The following SKP1 variants were observed in gnomAD, a reference collection of about 807,000 sequenced individuals.
SKP1 encodes the protein S-phase kinase associated protein 1, also known as S-phase kinase-associated protein 1.
A neutral mutation model predicts 21.5 loss-of-function variants in SKP1; 1 was observed. That is an observed-to-expected ratio of 0.05 (90% CI 0.02 to 0.22). The LOEUF is 0.22. Ranked by LOEUF, SKP1 falls within the 10% of genes least tolerant of loss-of-function variation. The pLI is 1.00. For synonymous variants in SKP1, 59 were observed against 59.3 expected, an observed-to-expected ratio of 0.99 and a Z score of 0.03; for missense variants, 70 against 192.0, an observed-to-expected ratio of 0.36 and a Z score of 3.76.
At chr5:134,167,787 G>C (rs1761361716) in intron 2 of SKP1, among the ~76,000 whole-genome samples, 1 of 152,212 alleles carries the variant, frequency 6.6e-6, no homozygotes, top group Non-Finnish European at 1.5e-5. Context: ...GCCTCCCAAA[G>C]TGCTGGGATT....
chr5:134,155,167 A>G lies in SKP1; in HGVS notation c.*2566T>C, dbSNP rs1275083487. Reference sequence around the variant, plus strand: ...GACACTAAAACTCCAGCCTCAAGGTATGACTTAATGCCACAATATTAGTTT... The same window carrying G: ...GACACTAAAACTCCAGCCTCAAGGTGTGACTTAATGCCACAATATTAGTTT... On this transcript the variant is annotated 3_prime_UTR_variant, in exon 6 of 6. Transcript: ENST00000353411. 6.6e-6 allele frequency: 1 copy of G among 152,228 alleles called. No individual in the cohort carries two copies. The highest frequency in any genetic ancestry group is 1.5e-5 in the Non-Finnish European group (1 of 68,046). 9.4% of individuals were successfully genotyped at this position (152,228 alleles called of 1,614,324 possible).
chr5:134,174,360 A>T (rs1054736106), intron 1 of SKP1: 4 of 290,392 alleles, frequency 1.4e-5, no homozygotes, highest in African/African-American at 9.1e-5. Context: ...CCATCTGAAC[A>T]GTTAACTGCC....
chr5:134,163,906 T>G (rs1761275281), intron 3 of SKP1, among the ~76,000 whole-genome samples: 1 of 152,224 alleles, frequency 6.6e-6, no homozygotes, highest in Non-Finnish European at 1.5e-5. Context: ...CTTCTTGCTC[T>G]AGCTTCCACT....
intron 3 of SKP1, 86 bp downstream of exon 3, chr5:134,167,084 T>C: frequency 1.5e-6 from 1 of 681,110 alleles, no homozygotes; most frequent in South Asian, 1.9e-5. Flanking sequence ...ATTATAAAAT[T>C]CTAACATAGA....
In SKP1 at chr5:134,173,971, C is replaced by T; in HGVS notation, c.52G>A (p.Val18Met). The change falls in exon 2 of 6, where the codon GTG becomes ATG. Residue 18 changes from valine (V) to methionine (M), a missense_variant. Val to Met is a conservative substitution (Grantham distance 21). Transcript: ENST00000353411. Reference protein sequence around the residue: ...SSDGEIFEVDVEIAKQSVTIK... With the variant: ...SSDGEIFEVDMEIAKQSVTIK... ...GTCACAGATTGTTTGGCAATTTCCA[C>T]ATCAACTTCAAATATCTCTCCATCA... 1 of 1,611,802 alleles carries T rather than the reference C, an allele frequency of 6.2e-7. No homozygotes were observed. The highest frequency in any genetic ancestry group is 8.5e-7 in the Non-Finnish European group (1 of 1,178,054).
At chr5:134,158,905 A>G (rs1196679663) in intron 4 of SKP1, among the ~76,000 whole-genome samples, 6 of 152,196 alleles carry the variant, frequency 3.9e-5, no homozygotes, top group East Asian at 1.9e-4. Flanking sequence ...CTTGGCAAAA[A>G]TATTTGTCCA....
At chr5:134,175,352 T>C (rs1021633759) in intron 1 of SKP1, 1 of 152,382 alleles carries the variant, frequency 6.6e-6, no homozygotes, top group South Asian at 2.1e-4. Context: ...TGCTTCTCCA[T>C]GTTGCTTAGC....
chr5:134,165,878 C>CA (rs567800852), intron 3 of SKP1, among the ~76,000 whole-genome samples: 43 of 146,888 alleles, frequency 2.9e-4, no homozygotes, highest in African/African-American at 9.9e-4. Flanking sequence ...AGAGTGAGAT[C>CA]AAAAAAACAA....
At chr5:134,166,038 A>G (rs894184338) in intron 3 of SKP1, among the ~76,000 whole-genome samples, 6 of 151,326 alleles carry the variant, frequency 4.0e-5, no homozygotes. Flanking sequence ...TATAAAAATT[A>G]GCCAGTGTGG....
chr5:134,166,896 A>G (rs1167299293), intron 3 of SKP1, among the ~76,000 whole-genome samples: 1 of 152,218 alleles, frequency 6.6e-6, no homozygotes, highest in Non-Finnish European at 1.5e-5. Flanking sequence ...CATGTAGATC[A>G]TCCTTCCTAG....
At chr5:134,174,563 A>G (rs1407027361) in intron 1 of SKP1, 1 of 694,852 alleles carries the variant, frequency 1.4e-6, no homozygotes, top group East Asian at 1.3e-4. Context: ...ATTTAAAGAT[A>G]AGCAGATGTG....
chr5:134,149,674 G>C lies in SKP1; in HGVS notation c.*8059C>G, dbSNP rs939237007. ...CATCTGTCCCATTTTAAAGAATTCT[G>C]TTCTGGCTACTGGCCTAGTTGTTTA... On this transcript the variant is annotated 3_prime_UTR_variant, in exon 6 of 6. Coordinates refer to ENST00000353411, the MANE Select transcript of SKP1 (RefSeq NM_170679.3). The C allele has an allele frequency of 2.0e-5, 3 of 152,200 alleles. No homozygotes were observed. The South Asian group carries it at 6.2e-4, about 31-fold the overall frequency. The allele number at this position is 152,200 out of a possible 1,614,324, so 9.4% of individuals were successfully genotyped here.
chr5:134,159,822 T>C (rs955603295), intron 4 of SKP1, among the ~76,000 whole-genome samples: 5 of 151,862 alleles, frequency 3.3e-5, no homozygotes, highest in African/African-American at 7.2e-5. Flanking sequence ...GCTGGGATTA[T>C]AGGCGTGAGC....
intron 2 of SKP1, among the ~76,000 whole-genome samples, chr5:134,170,508 C>T (rs80085265): frequency 2.2e-4 from 34 of 152,314 alleles, no homozygotes; most frequent in African/African-American, 7.9e-4. Flanking sequence ...TTCTGATTGT[C>T]CTGTGGATTA....
At position 134,152,924 on chromosome 5, in the gene SKP1, C is replaced by T. The variant is rs1761064295; in HGVS notation, c.*4809G>A. 1 of 152,206 alleles carries T rather than the reference C, an allele frequency of 6.6e-6. No homozygotes were observed. The highest frequency in any genetic ancestry group is 1.5e-5 in the Non-Finnish European group (1 of 68,042). The allele number at this position is 152,206 out of a possible 1,614,324, so 9.4% of individuals were successfully genotyped here. ...TGAACTACACCAAAAGCTCCCAGCT[C>T]CCTAGAGGGAAACCATGTCTAATGC... On this transcript the variant is annotated 3_prime_UTR_variant, in exon 6 of 6. Transcript: ENST00000353411.
chr5:134,176,587 G>C (rs911760077), intron 1 of SKP1: 1 of 152,366 alleles, frequency 6.6e-6, no homozygotes, highest in African/African-American at 2.4e-5. Flanking sequence ...CCGGTGCAGA[G>C]AAGGCCCAGC....
At chr5:134,165,004 T>C (rs543820724) in intron 3 of SKP1, among the ~76,000 whole-genome samples, 1 of 148,902 alleles carries the variant, frequency 6.7e-6, no homozygotes, top group Middle Eastern at 3.5e-3. Flanking sequence ...ATACAGAAAG[T>C]AGAATAGTGT....
At chr5:134,158,223 CAA>C in intron 5 of SKP1, 1 of 1,428,066 alleles carries the variant, frequency 7.0e-7, no homozygotes, top group Non-Finnish European at 9.1e-7. Flanking sequence ...AATACATTAA[CAA>C]GAGCTCTTCT....
chr5:134,176,061 A>G (rs1761537699), intron 1 of SKP1, among the ~76,000 whole-genome samples: 1 of 152,242 alleles, frequency 6.6e-6, no homozygotes, highest in Non-Finnish European at 1.5e-5. Flanking sequence ...GGAAAAATGC[A>G]TGTCCCTAAA....
Sources: allele counts gnomAD v4.1 joint callset (sites outside exome capture counted in the v4.1 genomes callset), GRCh38; gene constraint gnomAD v4.1.1; transcripts MANE v1.5; gene names NCBI Gene and HGNC (gene_info 2026-07-23, HGNC 2026-07-21).